The following PDGFC variants were observed in gnomAD, a reference collection of about 807,000 sequenced individuals.
PDGFC encodes the protein platelet derived growth factor C.
A neutral mutation model predicts 35.5 loss-of-function variants in PDGFC; 12 were observed. The ratio of observed to expected loss-of-function variants is 0.34; its 90% CI spans 0.22 to 0.55. The LOEUF is 0.55. Ranked by LOEUF, PDGFC falls within the 20% of genes least tolerant of loss-of-function variation. PDGFC has a pLI of 0.91. For synonymous variants in PDGFC, 159 were observed against 148.8 expected (o/e 1.07, Z -0.50); for missense variants, 322 against 412.4 (o/e 0.78, Z 1.90).
chr4:156,913,659 T>A (rs1343298656), intron 1 of PDGFC, among the ~76,000 whole-genome samples: 1 of 142,934 alleles, frequency 7.0e-6, no homozygotes, highest in Non-Finnish European at 1.6e-5. Context: ...ATCTTACTAC[T>A]TTTCAGTCTG....
intron 1 of PDGFC, among the ~76,000 whole-genome samples, chr4:156,863,090 T>C (rs892364459): frequency 2.0e-5 from 3 of 152,204 alleles, no homozygotes; most frequent in Non-Finnish European, 1.5e-5. Context: ...AAAAACTAAT[T>C]GTATCATGCA....
At chr4:156,785,322 C>T (rs1731092863) in intron 3 of PDGFC, among the ~76,000 whole-genome samples, 1 of 152,168 alleles carries the variant, frequency 6.6e-6, no homozygotes, top group Admixed American at 6.5e-5. Context: ...CTGCCTCAGG[C>T]TGCCAAGTAG....
At chr4:156,772,365 A>G (rs1049062190) in intron 4 of PDGFC, among the ~76,000 whole-genome samples, 2 of 152,118 alleles carry the variant, frequency 1.3e-5, no homozygotes, top group East Asian at 1.9e-4. Context: ...ACATATTCCA[A>G]GTATTAGGTT....
At chr4:156,793,533 G>GTATATATA (rs1491091591) in intron 3 of PDGFC, among the ~76,000 whole-genome samples, 1 of 82,608 alleles carries the variant, frequency 1.2e-5, no homozygotes, top group African/African-American at 5.1e-5. Flanking sequence ...TGAATTATGT[G>GTATATATA]CATATATATA....
intron 1 of PDGFC, among the ~76,000 whole-genome samples, chr4:156,911,220 C>A (rs1045031963): frequency 6.6e-6 from 1 of 152,048 alleles, no homozygotes; most frequent in Admixed American, 6.6e-5. Flanking sequence ...TTTTAAAGAA[C>A]CCTAAATGTA....
intron 1 of PDGFC, among the ~76,000 whole-genome samples, chr4:156,948,897 G>C (rs1474649214): frequency 1.3e-5 from 2 of 151,898 alleles, no homozygotes; most frequent in African/African-American, 4.8e-5. Flanking sequence ...CGTATCCCCT[G>C]AGTAATGACA....
At chr4:156,902,810 G>A (rs561874160) in intron 1 of PDGFC, among the ~76,000 whole-genome samples, 75 of 152,138 alleles carry the variant, frequency 4.9e-4, no homozygotes, top group Middle Eastern at 3.4e-3. Context: ...TGATTGCTCT[G>A]CCTGAAATAT....
At chr4:156,818,253 G>A (rs1183218024) in intron 2 of PDGFC, among the ~76,000 whole-genome samples, 3 of 151,580 alleles carry the variant, frequency 2.0e-5, no homozygotes, top group Non-Finnish European at 4.4e-5. Context: ...CAGATACCGC[G>A]TTTTTTACAA....
At position 156,899,451 on chromosome 4, in the gene PDGFC, T is replaced by C. The variant is rs138461407; in HGVS notation, c.119-49035A>G. On this transcript the variant is annotated intron_variant, in intron 1 of 5. Coordinates refer to ENST00000502773, the MANE Select transcript of PDGFC (RefSeq NM_016205.3). ...TTCTTAAACACAGAGTTTCTTCTCA[T>C]TGTGAATATGTCTTCATGGACCATT... is the stretch of plus-strand genomic sequence containing the variant. 3.5e-3 allele frequency among the ~76,000 whole-genome samples: 534 copies of C among 152,360 alleles called. 4 individuals are homozygous for C. The highest frequency in any genetic ancestry group is 0.012 in the African/African-American group (504 of 41,584).
At chr4:156,861,974 G>A (rs1729722991) in intron 1 of PDGFC, among the ~76,000 whole-genome samples, 1 of 152,074 alleles carries the variant, frequency 6.6e-6, no homozygotes, top group Non-Finnish European at 1.5e-5. Context: ...GGTGACTCTT[G>A]CTTGCCAAGG....
chr4:156,882,722 A>G (rs1730272484), intron 1 of PDGFC, among the ~76,000 whole-genome samples: 1 of 152,190 alleles, frequency 6.6e-6, no homozygotes, highest in Non-Finnish European at 1.5e-5. Flanking sequence ...AACAATTTTA[A>G]GCACAAGTTT....
intron 1 of PDGFC, among the ~76,000 whole-genome samples, chr4:156,853,306 C>G (rs920027963): frequency 4.6e-5 from 7 of 152,054 alleles, no homozygotes; most frequent in African/African-American, 1.7e-4. Flanking sequence ...AGGAAACTTC[C>G]TGAAAGACAC....
chr4:156,848,045 C>T (rs1417434207), intron 2 of PDGFC, among the ~76,000 whole-genome samples: 1 of 151,456 alleles, frequency 6.6e-6, no homozygotes, highest in African/African-American at 2.4e-5. Context: ...TAAATAAATT[C>T]CAGATAAATA....
chr4:156,813,521 A>G (rs2110953159), intron 2 of PDGFC, among the ~76,000 whole-genome samples: 1 of 152,194 alleles, frequency 6.6e-6, no homozygotes, highest in East Asian at 1.9e-4. Context: ...GTATTGACTG[A>G]CAAGGGGTGA....
intron 5 of PDGFC, among the ~76,000 whole-genome samples, chr4:156,766,315 T>A (rs1560802347): frequency 6.6e-6 from 1 of 152,150 alleles, no homozygotes; most frequent in Non-Finnish European, 1.5e-5. Context: ...AAAATTCTTA[T>A]GTGGAACTTA....
intron 1 of PDGFC, among the ~76,000 whole-genome samples, chr4:156,860,825 G>A (rs1729693728): frequency 6.6e-6 from 1 of 151,984 alleles, no homozygotes; most frequent in South Asian, 2.1e-4. Context: ...TTATCATACT[G>A]CAACTTTTGA....
intron 3 of PDGFC, among the ~76,000 whole-genome samples, chr4:156,787,934 A>G (rs1339418516): frequency 6.6e-6 from 1 of 152,122 alleles, no homozygotes; most frequent in African/African-American, 2.4e-5. Flanking sequence ...GGAGAGGGAA[A>G]ATGTAAGGTA....
At chr4:156,875,191 A>G (rs931545672) in intron 1 of PDGFC, among the ~76,000 whole-genome samples, 3 of 152,208 alleles carry the variant, frequency 2.0e-5, no homozygotes, top group Non-Finnish European at 2.9e-5. Flanking sequence ...CAGGAGGTAC[A>G]CCCGCAAGTT....
chr4:156,805,233 C>T (rs557612029), intron 3 of PDGFC, among the ~76,000 whole-genome samples: 2 of 152,034 alleles, frequency 1.3e-5, no homozygotes, highest in Non-Finnish European at 2.9e-5. Flanking sequence ...CTCAAGACTC[C>T]TTGCATAAAT....
Sources: gnomAD v4.1 joint callset for allele counts (sites outside exome capture counted in the v4.1 genomes callset) on GRCh38, gnomAD v4.1.1 for gene constraint, MANE v1.5 for transcripts, NCBI Gene and HGNC (gene_info 2026-07-23, HGNC 2026-07-21) for gene names.